Variants in KCND2 observed in about 807,000 individuals in gnomAD.
The protein encoded by KCND2 is potassium voltage-gated channel subfamily D member 2.
Under a neutral mutation model 54.4 loss-of-function variants are expected in KCND2, and 16 were observed. The observed-to-expected ratio is 0.29, with a 90% CI of 0.20 to 0.45. The LOEUF (loss-of-function observed/expected upper bound fraction) is 0.45. Ranked by LOEUF, KCND2 falls within the 20% of genes least tolerant of loss-of-function variation. KCND2 has a pLI of 1.00. For missense variants in KCND2, 486 were observed against 824.2 expected (o/e 0.59, Z 5.02); for synonymous variants, 317 against 310.7 (o/e 1.02, Z -0.21).
At chr7:120,493,756 T>C (rs975914702) in intron 1 of KCND2, among the ~76,000 whole-genome samples, 1 of 152,128 alleles carries the variant, frequency 6.6e-6, no homozygotes, top group African/African-American at 2.4e-5. Context: ...CACACTCATA[T>C]ATTGCTCATG....
chr7:120,636,853 G>A (rs1793310977), intron 1 of KCND2, among the ~76,000 whole-genome samples: 1 of 152,108 alleles, frequency 6.6e-6, no homozygotes, highest in South Asian at 2.1e-4. Context: ...TGATATTATA[G>A]CTCTTCAACT....
chr7:120,555,506 ACTT>A (rs1792153005), intron 1 of KCND2, among the ~76,000 whole-genome samples: 1 of 152,160 alleles, frequency 6.6e-6, no homozygotes, highest in Non-Finnish European at 1.5e-5. Context: ...AAAGCTTTCT[ACTT>A]CTTGAAAATA....
At chr7:120,318,380 A>G (rs1193399473) in intron 1 of KCND2, among the ~76,000 whole-genome samples, 2 of 152,164 alleles carry the variant, frequency 1.3e-5, no homozygotes, top group Non-Finnish European at 2.9e-5. Flanking sequence ...TCTTTCAGAA[A>G]TAATGTCAAA....
intron 1 of KCND2, among the ~76,000 whole-genome samples, chr7:120,561,598 ATTTTTTTTTTTTTTT>A (rs57015988): frequency 4.2e-5 from 2 of 47,280 alleles, no homozygotes; most frequent in Non-Finnish European, 7.8e-5. Context: ...AAGCTACCTG[ATTTTTTTTTTTTTTT>A]TTTTTTTTTT....
intron 1 of KCND2, among the ~76,000 whole-genome samples, chr7:120,324,512 A>C (rs1487080142): frequency 6.7e-6 from 1 of 150,140 alleles, no homozygotes; most frequent in South Asian, 2.2e-4. Context: ...TCAGCTTTCT[A>C]CATAAGGCTA....
chr7:120,296,943 T>G (rs1031626274), intron 1 of KCND2, among the ~76,000 whole-genome samples: 2 of 152,138 alleles, frequency 1.3e-5, no homozygotes, highest in Non-Finnish European at 2.9e-5. Flanking sequence ...AAAGGAGGCA[T>G]GATAAACACA....
intron 3 of KCND2, among the ~76,000 whole-genome samples, 200 bp downstream of exon 3, chr7:120,741,829 A>C (rs903263688): frequency 3.9e-5 from 6 of 152,116 alleles, no homozygotes; most frequent in African/African-American, 7.2e-5. Context: ...TCACTATGAA[A>C]TACTGCCAGT....
At chr7:120,363,834 A>T (rs1188550173) in intron 1 of KCND2, among the ~76,000 whole-genome samples, 3 of 152,074 alleles carry the variant, frequency 2.0e-5, no homozygotes, top group Non-Finnish European at 4.4e-5. Flanking sequence ...TTCCTCTGAT[A>T]GATCTCCTCC....
At chr7:120,723,692 G>C (rs1209559957) in intron 1 of KCND2, among the ~76,000 whole-genome samples, 1 of 152,128 alleles carries the variant, frequency 6.6e-6, no homozygotes, top group Non-Finnish European at 1.5e-5. Flanking sequence ...AACAGCCACT[G>C]CACTCCAGTC....
chr7:120,670,699 G>A (rs1435935617), intron 1 of KCND2, among the ~76,000 whole-genome samples: 2 of 151,930 alleles, frequency 1.3e-5, no homozygotes, highest in African/African-American at 4.8e-5. Flanking sequence ...GGTGGATCAC[G>A]AGGTCAGGAG....
At chr7:120,431,538 C>A (rs549749589) in intron 1 of KCND2, among the ~76,000 whole-genome samples, 1 of 152,098 alleles carries the variant, frequency 6.6e-6, no homozygotes, top group Non-Finnish European at 1.5e-5. Context: ...ATTCTCCACA[C>A]GTGCCTTTTC....
intron 1 of KCND2, among the ~76,000 whole-genome samples, chr7:120,317,693 G>C (rs1799833392): frequency 6.6e-6 from 1 of 152,146 alleles, no homozygotes; most frequent in Non-Finnish European, 1.5e-5. Flanking sequence ...GTAACTCTAT[G>C]ATATGGCTGA....
Position 120,621,276 on chromosome 7 carries a change from CAAAAAAAAAAA to C in KCND2, c.1116-111609_1116-111599del, listed in dbSNP as rs1175736454. On this transcript the variant is annotated intron_variant, in intron 1 of 5. Coordinates refer to ENST00000331113, the MANE Select transcript of KCND2 (RefSeq NM_012281.3). ...TGGGCGACAGAGCAAGACTCCGTCT[CAAAAAAAAAAA>C]AAAAAAAAAAAAAAAAAGAACCATA... Among the ~76,000 whole-genome samples the C allele has an allele frequency of 3.0e-4, 14 of 47,202 alleles. No homozygotes were observed. In the South Asian group the frequency reaches 5.0e-3, roughly 17 times the overall value. The allele number at this position is 47,202 out of a possible 152,430, so 31.0% of individuals were successfully genotyped here.
chr7:120,479,796 C>CAAAAAA (rs771337674), intron 1 of KCND2, among the ~76,000 whole-genome samples: 2 of 75,554 alleles, frequency 2.6e-5, no homozygotes, highest in Non-Finnish European at 2.9e-5. Context: ...TACACACACA[C>CAAAAAA]AAAAAAAAAA....
intron 1 of KCND2, among the ~76,000 whole-genome samples, chr7:120,323,160 C>T (rs1461714881): frequency 2.0e-5 from 3 of 152,010 alleles, no homozygotes; most frequent in African/African-American, 7.2e-5. Flanking sequence ...CTCCCACCCC[C>T]GACAGGCCCT....
chr7:120,396,560 A>G (rs1430726761), intron 1 of KCND2, among the ~76,000 whole-genome samples: 1 of 151,922 alleles, frequency 6.6e-6, no homozygotes, highest in African/African-American at 2.4e-5. Context: ...TTTTAATTGG[A>G]TACATTAATT....
At chr7:120,415,456 T>C (rs1179955046) in intron 1 of KCND2, among the ~76,000 whole-genome samples, 1 of 152,138 alleles carries the variant, frequency 6.6e-6, no homozygotes, top group Non-Finnish European at 1.5e-5. Context: ...TAAAAGTTTT[T>C]GGGTATTCTG....
At chr7:120,303,844 C>A (rs914819007) in intron 1 of KCND2, among the ~76,000 whole-genome samples, 2 of 151,976 alleles carry the variant, frequency 1.3e-5, no homozygotes, top group Non-Finnish European at 2.9e-5. Context: ...TTGAACTGAC[C>A]AACAAAAAGC....
chr7:120,319,312 T>G (rs1420367189), intron 1 of KCND2, among the ~76,000 whole-genome samples: 2 of 152,072 alleles, frequency 1.3e-5, no homozygotes, highest in South Asian at 2.1e-4. Context: ...CTTTTTATTT[T>G]TAATAGACAA....
Sources: gnomAD v4.1 joint callset for allele counts (sites outside exome capture counted in the v4.1 genomes callset) on GRCh38, gnomAD v4.1.1 for gene constraint, MANE v1.5 for transcripts, NCBI Gene and HGNC (gene_info 2026-07-23, HGNC 2026-07-21) for gene names.